CLMP: variants seen among roughly 807,000 people sequenced by gnomAD.
CLMP encodes CXADR-like membrane protein.
CLMP carries 27 observed loss-of-function variants against 45.2 expected under a neutral mutation model. The ratio of observed to expected loss-of-function variants is 0.60; its 90% CI spans 0.44 to 0.82. The LOEUF is 0.82. CLMP is among the 40% of genes least tolerant of loss of function. The probability of loss-of-function intolerance (pLI) is 0.00; values close to 1 mark genes in which losing one functional copy is unlikely to be tolerated. For synonymous variants in CLMP, 167 were observed against 171.4 expected (o/e 0.97, Z 0.20); for missense variants, 403 against 448.4 (o/e 0.90, Z 0.91).
Position 123,084,716 on chromosome 11 carries a change from G to A in CLMP, c.187-3C>T, listed in dbSNP as rs1353228631. The A allele has an allele frequency of 1.2e-6, 2 of 1,613,828 alleles. No individual in the cohort carries two copies. Among genetic ancestry groups the A allele is most frequent in the Non-Finnish European group, 8.5e-7 (1 of 1,179,768 alleles). ...TGACGACTGGAGTAAGTGATCACCT[G>A]TGGGATAGACCGAGGCAGAGTCAAG... On this transcript the variant is annotated splice_polypyrimidine_tract_variant and splice_region_variant and intron_variant, in intron 2 of 6. Coordinates refer to ENST00000448775, the MANE Select transcript of CLMP (RefSeq NM_024769.5).
chr11:123,164,523 C>G (rs1388628224), intron 1 of CLMP, among the ~76,000 whole-genome samples: 1 of 151,886 alleles, frequency 6.6e-6, no homozygotes, highest in South Asian at 2.1e-4. Flanking sequence ...AGGCTGGTCT[C>G]TAATTCCTGA....
At position 123,072,712 on chromosome 11, in the gene CLMP, T is replaced by C. The variant is rs1229935737; in HGVS notation, c.*762A>G. 2.0e-5 allele frequency: 3 copies of C among 152,236 alleles called. No homozygotes were observed. The highest frequency in any genetic ancestry group is 4.8e-5 in the African/African-American group (2 of 41,466). The allele number at this position is 152,236 out of a possible 1,614,324, so 9.4% of individuals were successfully genotyped here. A position where few individuals can be genotyped will look rare whatever the true frequency, so the allele number is the denominator to read the frequency against. On this transcript the variant is annotated 3_prime_UTR_variant, in exon 7 of 7. Coordinates refer to ENST00000448775, the MANE Select transcript of CLMP (RefSeq NM_024769.5). ...AAATCCACAATTGCTCCATTATATA[T>C]TTCTAATGTTTGTCAACAATCCTCA...
intron 1 of CLMP, among the ~76,000 whole-genome samples, chr11:123,123,963 G>A (rs894736166): frequency 6.6e-6 from 1 of 152,128 alleles, no homozygotes; most frequent in African/African-American, 2.4e-5. Flanking sequence ...AGCTCTGGAT[G>A]ATTGGGTGGG....
chr11:123,139,552 C>A (rs577975639), intron 1 of CLMP, among the ~76,000 whole-genome samples: 1 of 152,118 alleles, frequency 6.6e-6, no homozygotes, highest in Admixed American at 6.6e-5. Flanking sequence ...AAGGGTCGGG[C>A]GCTGTGGCTC....
At chr11:123,103,695 T>C (rs1860485390) in intron 1 of CLMP, among the ~76,000 whole-genome samples, 1 of 151,400 alleles carries the variant, frequency 6.6e-6, no homozygotes, top group African/African-American at 2.4e-5. Flanking sequence ...CTTCTGTCCC[T>C]TTTTTTTTCT....
chr11:123,102,322 C>A (rs569055613), intron 1 of CLMP, among the ~76,000 whole-genome samples: 1 of 143,274 alleles, frequency 7.0e-6, no homozygotes, highest in East Asian at 2.1e-4. Context: ...CTCTCTGTCG[C>A]CAGGCTGGAG....
At position 123,117,508 on chromosome 11, in the gene CLMP, C is replaced by G. The variant is rs867623017; in HGVS notation, c.29-19556G>C. Among the ~76,000 whole-genome samples the G allele has an allele frequency of 1.1e-4, 17 of 152,252 alleles. No individual in the cohort carries two copies. In the South Asian group the frequency reaches 2.1e-3, roughly 19 times the overall value. On this transcript the variant is annotated intron_variant, in intron 1 of 6. Coordinates refer to ENST00000448775, the MANE Select transcript of CLMP (RefSeq NM_024769.5). ...GTGGTACGATCTCAGCTCACTGCAG[C>G]CTCTGCCTCCTGAGTTCAAGCAATT...
rs79920183 is a variant in CLMP, at chr11:123,089,636, G to A, written c.187-4923C>T. ...AAAAATTAGCCAAAATATTAGCTGG[G>A]TGTGGTGGCGGGCGCCCGTAGTTCC... On this transcript the variant is annotated intron_variant, in intron 2 of 6. Transcript: ENST00000448775. Among the ~76,000 whole-genome samples, 13 of 152,002 alleles carry A rather than the reference G, an allele frequency of 8.6e-5. No homozygotes were observed. The East Asian group carries it at 2.5e-3, about 30-fold the overall frequency.
intron 1 of CLMP, among the ~76,000 whole-genome samples, chr11:123,151,550 G>T (rs184570521): frequency 6.6e-6 from 1 of 152,170 alleles, no homozygotes; most frequent in South Asian, 2.1e-4. Flanking sequence ...ATACAATGCT[G>T]TACTGCCACT....
At chr11:123,163,312 G>A (rs1287628837) in intron 1 of CLMP, among the ~76,000 whole-genome samples, 1 of 152,142 alleles carries the variant, frequency 6.6e-6, no homozygotes, top group Non-Finnish European at 1.5e-5. Context: ...ATTAACATGG[G>A]GAAGTCATAC....
intron 1 of CLMP, among the ~76,000 whole-genome samples, chr11:123,115,623 G>T (rs766358973): frequency 4.6e-5 from 7 of 152,112 alleles, no homozygotes; most frequent in Non-Finnish European, 7.4e-5. Context: ...TCTAGGTAGT[G>T]GTTACTCCTG....
At chr11:123,187,312 AAG>A (rs1201595536) in intron 1 of CLMP, among the ~76,000 whole-genome samples, 4 of 152,224 alleles carry the variant, frequency 2.6e-5, no homozygotes, top group Non-Finnish European at 5.9e-5. Context: ...TGTTCCCTTG[AAG>A]AGTGATTGGA....
At chr11:123,189,348 T>C (rs780426007) in intron 1 of CLMP, among the ~76,000 whole-genome samples, 11 of 152,228 alleles carry the variant, frequency 7.2e-5, no homozygotes, top group Non-Finnish European at 1.6e-4. Context: ...GTTGGTGTCC[T>C]AGCTCAGCTG....
At chr11:123,189,667 C>T (rs1041462675) in intron 1 of CLMP, among the ~76,000 whole-genome samples, 1 of 152,066 alleles carries the variant, frequency 6.6e-6, no homozygotes, top group Non-Finnish European at 1.5e-5. Context: ...TTAAGCTGTA[C>T]ATTTACTAGG....
At position 123,073,683 on chromosome 11, in the gene CLMP, G is replaced by C. The variant is rs765578564; in HGVS notation, c.913C>G (p.Arg305Gly). The C allele has an allele frequency of 8.1e-6, 13 of 1,614,090 alleles. No individual in the cohort carries two copies. Among genetic ancestry groups the C allele is most frequent in the Non-Finnish European group, 1.0e-5 (12 of 1,180,040 alleles). ...CGTGAGGCACTATTTGCTGTGGAGC[G>C]AGTGGAGGAAGAACCAGAGCGTGAG... ...RSSRSGSSST[R>G]STANSASRSQ... The change falls in exon 7 of 7, where the codon CGC (arginine) becomes GGC (glycine). Residue 305 changes from arginine (R) to glycine (G), a missense_variant. Transcript: ENST00000448775.
chr11:123,096,385 G>A (rs1865989794), intron 2 of CLMP, among the ~76,000 whole-genome samples: 1 of 151,934 alleles, frequency 6.6e-6, no homozygotes, highest in East Asian at 1.9e-4. Flanking sequence ...TCAGCCAGGC[G>A]TGGTGGTGCA....
chr11:123,157,145 G>A lies in CLMP; in HGVS notation c.28+37768C>T, dbSNP rs1270195376. ...GCCACAGAAGGGTGGAATATTCTGA[G>A]TAGTTTTAGGACATCAGATGTAACC... On this transcript the variant is annotated intron_variant, in intron 1 of 6. Transcript: ENST00000448775. Among the ~76,000 whole-genome samples the A allele has an allele frequency of 3.9e-5, 6 of 152,316 alleles. No homozygotes were observed. The East Asian group carries it at 1.2e-3, about 29-fold the overall frequency.
intron 1 of CLMP, among the ~76,000 whole-genome samples, chr11:123,173,103 C>T (rs1325606521): frequency 6.6e-6 from 1 of 152,220 alleles, no homozygotes; most frequent in Admixed American, 6.5e-5. Context: ...TTTTCCTAGA[C>T]TTCTCTAGAA....
chr11:123,095,470 A>T (rs1049150394), intron 2 of CLMP, among the ~76,000 whole-genome samples: 1 of 152,084 alleles, frequency 6.6e-6, no homozygotes, highest in Non-Finnish European at 1.5e-5. Flanking sequence ...GAGTTTCACC[A>T]TGTTGCCCAG....
Sources: allele counts gnomAD v4.1 joint callset (sites outside exome capture counted in the v4.1 genomes callset), GRCh38; gene constraint gnomAD v4.1.1; transcripts MANE v1.5; gene names NCBI Gene and HGNC (gene_info 2026-07-23, HGNC 2026-07-21).